The following PHF14 variants were observed in gnomAD, a reference collection of about 807,000 sequenced individuals.
PHF14 encodes PHD finger protein 14.
PHF14 carries 55 observed loss-of-function variants against 117.9 expected under a neutral mutation model. The ratio of observed to expected loss-of-function variants is 0.47; its 90% confidence interval spans 0.38 to 0.58. PHF14 has a LOEUF of 0.58. Among genes scored for constraint, PHF14 ranks in the 20% least tolerant of loss-of-function variants. PHF14 has a pLI of 0.00. For synonymous variants in PHF14, 409 were observed against 368.6 expected (o/e 1.11, Z -1.26); for missense variants, 978 against 1,122.2 (o/e 0.87, Z 1.84).
At chr7:11,028,648 T>C (rs772828425) in intron 6 of PHF14, 33 bp from the exon 7 acceptor site, 2 of 1,609,152 alleles carry the variant, frequency 1.2e-6, no homozygotes, top group Non-Finnish European at 1.7e-6. Flanking sequence ...GAAATAAGTT[T>C]GCTTTGAGAA....
At chr7:11,122,352 T>TATATATATATATATATATATATATACAC in intron 17 of PHF14, among the ~76,000 whole-genome samples, 63 of 65,768 alleles carry the variant, frequency 9.6e-4, no homozygotes, top group Non-Finnish European at 1.5e-3. Flanking sequence ...TATATATATA[T>TATATATATATATATATATATATATACAC]ACACACACAC....
At chr7:11,147,731 C>G (rs1402457649) in intron 17 of PHF14, among the ~76,000 whole-genome samples, 1 of 152,166 alleles carries the variant, frequency 6.6e-6, no homozygotes, top group Non-Finnish European at 1.5e-5. Flanking sequence ...AACGCTTGGT[C>G]ATTGTGTCCC....
intron 17 of PHF14, among the ~76,000 whole-genome samples, chr7:11,141,292 C>T (rs561059054): frequency 3.9e-5 from 6 of 151,986 alleles, no homozygotes; most frequent in Middle Eastern, 3.4e-3. Flanking sequence ...TTAAGAAATC[C>T]GGAGTTCAGA....
chr7:11,100,560 A>G (rs896724410), intron 16 of PHF14, among the ~76,000 whole-genome samples: 1 of 152,034 alleles, frequency 6.6e-6, no homozygotes, highest in African/African-American at 2.4e-5. Context: ...CCAGAAAAAT[A>G]CTACCATAGT....
chr7:11,073,973 C>T (rs957185582), intron 16 of PHF14, among the ~76,000 whole-genome samples: 3 of 152,268 alleles, frequency 2.0e-5, no homozygotes, highest in Admixed American at 6.5e-5. Context: ...TGTCCTGAGG[C>T]TGAGCAAGGA....
intron 16 of PHF14, among the ~76,000 whole-genome samples, chr7:11,075,838 G>C (rs1785827886): frequency 6.6e-6 from 1 of 152,080 alleles, no homozygotes; most frequent in South Asian, 2.1e-4. Flanking sequence ...CTGCTTAAAA[G>C]TTGCATAGCT....
intron 17 of PHF14, among the ~76,000 whole-genome samples, chr7:11,132,454 A>G (rs1294308939): frequency 6.6e-6 from 1 of 151,778 alleles, no homozygotes; most frequent in South Asian, 2.1e-4. Flanking sequence ...GATAAATAAC[A>G]TCTCATTTAT....
intron 16 of PHF14, among the ~76,000 whole-genome samples, chr7:11,096,712 G>A (rs17347241): frequency 0.36 from 54,843 of 151,932 alleles, 10,452 homozygotes; most frequent in East Asian, 0.72. Context: ...TGGATATATC[G>A]AGTTTTTATA....
chr7:11,102,447 TA>T, intron 16 of PHF14: 1 of 1,602,800 alleles, frequency 6.2e-7, no homozygotes, highest in Non-Finnish European at 8.5e-7. Context: ...CTATGATCTT[TA>T]AATGTTAATG....
Position 11,104,894 on chromosome 7 carries a change from G to A in PHF14, c.2655-6456G>A. The A allele has an allele frequency of 3.1e-6, 3 of 977,508 alleles. 1 individual carries two copies. Among genetic ancestry groups the A allele is most frequent in the South Asian group, 4.7e-5 (1 of 21,160 alleles). The allele number at this position is 977,508 out of a possible 1,614,324, so 60.6% of individuals were successfully genotyped here. On this transcript the variant is annotated intron_variant, in intron 16 of 17. Coordinates refer to ENST00000634607, the MANE Select transcript of PHF14 (RefSeq NM_001007157.2). Reference sequence around the variant, plus strand: ...GTAGTATTTTTTTTAAAACATCGTTGTGTTGTGCTTAACATTGATTGATAA... The same window carrying A: ...GTAGTATTTTTTTTAAAACATCGTTATGTTGTGCTTAACATTGATTGATAA...
intron 13 of PHF14, among the ~76,000 whole-genome samples, chr7:11,051,322 C>T (rs1437758590): frequency 6.6e-6 from 1 of 151,982 alleles, no homozygotes; most frequent in Non-Finnish European, 1.5e-5. Flanking sequence ...GGCAAAACCA[C>T]CTTTTTAATC....
intron 4 of PHF14, among the ~76,000 whole-genome samples, chr7:11,009,035 CAA>C (rs35700406): frequency 0.018 from 1,802 of 101,480 alleles, 27 homozygotes; most frequent in African/African-American, 0.07. Flanking sequence ...GACTCTGTCT[CAA>C]AAAAAAAAAA....
chr7:10,989,911 T>C (rs547696630), intron 3 of PHF14, among the ~76,000 whole-genome samples: 1 of 152,308 alleles, frequency 6.6e-6, no homozygotes, highest in South Asian at 2.1e-4. Flanking sequence ...GGATTACCGG[T>C]GTGAGCCACT....
chr7:10,998,591 G>A lies in PHF14; in HGVS notation c.1045+7744G>A, dbSNP rs543114612. ...GTTACTGAGAAAAGTAAACATGGTTGAATATATGTGTATTTTTCTTCTCCA... is the reference window on the plus strand; with the variant it reads ...GTTACTGAGAAAAGTAAACATGGTTAAATATATGTGTATTTTTCTTCTCCA... On this transcript the variant is annotated intron_variant, in intron 4 of 17. Transcript: ENST00000634607. Among the ~76,000 whole-genome samples, 6 of 152,262 alleles carry A rather than the reference G, an allele frequency of 3.9e-5. No individual in the cohort carries two copies. The South Asian group carries it at 1.2e-3, about 32-fold the overall frequency.
chr7:11,040,771 T>C lies in PHF14; in HGVS notation c.2176T>C (p.Tyr726His), dbSNP rs754501932. Residue 726 changes from tyrosine to histidine, a missense_variant, in exon 12 of 18, where the codon TAT (tyrosine) becomes CAT (histidine). By Grantham distance (83) the Tyr-to-His change is moderately conservative. Transcript: ENST00000634607. ...QKTSTLPAVL[Y>H]SCGICKKNHD... ...GACATCTACTCTTCCTGCAGTACTT[T>C]ATAGGCAAGTAATGAAATTAATAAT... is the stretch of plus-strand genomic sequence containing the variant. 24 of 1,441,646 alleles carry C rather than the reference T, an allele frequency of 1.7e-5. No homozygotes were observed. The highest frequency in any genetic ancestry group is 1.7e-4 in the Middle Eastern group (1 of 5,734). The allele number at this position is 1,441,646 out of a possible 1,614,324, so 89.3% of individuals were successfully genotyped here.
intron 10 of PHF14, among the ~76,000 whole-genome samples, chr7:11,037,362 T>C (rs1223144046): frequency 1.3e-5 from 2 of 152,178 alleles, no homozygotes; most frequent in Non-Finnish European, 2.9e-5. Context: ...GCTTCCATTT[T>C]CAGGGAGAAA....
chr7:11,087,129 C>T (rs1423259679), intron 16 of PHF14, among the ~76,000 whole-genome samples: 1 of 151,906 alleles, frequency 6.6e-6, no homozygotes, highest in African/African-American at 2.4e-5. Flanking sequence ...AATTTGTTAA[C>T]AAATTGAGAA....
At chr7:11,032,141 T>C (rs922208434) in intron 7 of PHF14, among the ~76,000 whole-genome samples, 1 of 152,122 alleles carries the variant, frequency 6.6e-6, no homozygotes, top group African/African-American at 2.4e-5. Flanking sequence ...GGTGTGTGCC[T>C]ATAGTCCTAA....
intron 16 of PHF14, among the ~76,000 whole-genome samples, chr7:11,065,378 A>G (rs79887248): frequency 0.013 from 2,036 of 152,120 alleles, 37 homozygotes; most frequent in African/African-American, 0.047. Flanking sequence ...GTGATACCTT[A>G]TTTATTTTTG....
Sources: allele counts gnomAD v4.1 joint callset (sites outside exome capture counted in the v4.1 genomes callset), GRCh38; gene constraint gnomAD v4.1.1; transcripts MANE v1.5; gene names NCBI Gene and HGNC (gene_info 2026-07-23, HGNC 2026-07-21).